The following GTSE1 variants were observed in gnomAD, a reference collection of about 807,000 sequenced individuals.
The protein encoded by GTSE1 is G2 and S phase-expressed protein 1.
A neutral mutation model predicts 60.5 loss-of-function variants in GTSE1; 52 were observed. The ratio of observed to expected loss-of-function variants is 0.86; its 90% confidence interval spans 0.69 to 1.08. The LOEUF (loss-of-function observed/expected upper bound fraction) is 1.08, where lower values mean the gene tolerates loss of function less well. Ranked by LOEUF, GTSE1 falls within the 50% of genes least tolerant of loss-of-function variation. The pLI, the probability that GTSE1 is intolerant of heterozygous loss-of-function variation, is 0.00. For synonymous variants in GTSE1, 368 were observed against 386.5 expected (o/e 0.95, Z 0.56); for missense variants, 937 against 961.8 (o/e 0.97, Z 0.34).
rs2077778941 is a variant in GTSE1 at position 46,316,203 on chromosome 22, A to T, written c.1223A>T (p.Glu408Val). 1.2e-6 allele frequency: 2 copies of T among 1,613,602 alleles called. No individual in the cohort carries two copies. Among genetic ancestry groups the T allele is most frequent in the Admixed American group, 1.7e-5 (1 of 60,004 alleles). ...GTCGATGTTTCTGAGCTGGCAGCGGAGCAGCTCACGGCACCCCCCTCAGCA... is the reference window on the plus strand; with the variant it reads ...GTCGATGTTTCTGAGCTGGCAGCGGTGCAGCTCACGGCACCCCCCTCAGCA... ...KRVDVSELAAEQLTAPPSASP... is the reference protein window; with the variant it reads ...KRVDVSELAAVQLTAPPSASP... The change falls in exon 7 of 12, where the codon GAG (glutamate) becomes GTG (valine). Residue 408 changes from glutamate to valine, a missense_variant. Transcript: ENST00000454366. This position sits in a 1 kb window ranked among gnomAD's most constrained non-coding sequence, Gnocchi z 5.0.
chr22:46,315,065 G>GT (rs34334377), intron 6 of GTSE1, among the ~76,000 whole-genome samples: 21,122 of 137,650 alleles, frequency 0.15, 2,056 homozygotes, highest in African/African-American at 0.29. Context: ...ATTTTTGTGG[G>GT]TTTTTTTTTT....
At chr22:46,311,885 C>G (rs2077750452) in intron 4 of GTSE1, among the ~76,000 whole-genome samples, 1 of 152,162 alleles carries the variant, frequency 6.6e-6, no homozygotes, top group East Asian at 1.9e-4. Flanking sequence ...GAACCTCTCT[C>G]CTATTAATGA....
chr22:46,303,161 A>G (rs2077698769), intron 2 of GTSE1, among the ~76,000 whole-genome samples: 1 of 151,040 alleles, frequency 6.6e-6, no homozygotes, highest in South Asian at 2.1e-4. Flanking sequence ...CGGCCTCCCA[A>G]AGTGCTGGGA....
At chr22:46,303,301 A>G (rs2077699693) in intron 2 of GTSE1, among the ~76,000 whole-genome samples, 2 of 152,192 alleles carry the variant, frequency 1.3e-5, no homozygotes, top group Non-Finnish European at 2.9e-5. Flanking sequence ...GTTATTTTGC[A>G]TCTTTCGTTG....
At chr22:46,301,940 C>T (rs774739062) in intron 2 of GTSE1, among the ~76,000 whole-genome samples, 16 of 152,214 alleles carry the variant, frequency 1.1e-4, no homozygotes, top group Middle Eastern at 3.4e-3. Context: ...ACCAGCCTGA[C>T]CAACATGCAG....
At position 46,310,412 on chromosome 22, in the gene GTSE1, CA is replaced by C. The variant is rs113856861; in HGVS notation, c.762+1476del. On this transcript the variant is annotated intron_variant, in intron 4 of 11. Coordinates refer to ENST00000454366, the MANE Select transcript of GTSE1 (RefSeq NM_016426.7). The surrounding 1 kb of genome is among the most constrained non-coding windows in gnomAD (Gnocchi z 4.4). ...TTGTGGAAACAGTTTGGCAGCTCCT[CA>C]AAAAAATAAATGTAGAGGGTCCCAT... 0.024 allele frequency among the ~76,000 whole-genome samples: 3,573 copies of C among 151,922 alleles called. 54 individuals are homozygous for C. Among genetic ancestry groups the C allele is most frequent in the Non-Finnish European group, 0.029 (1,994 of 67,930 alleles).
At position 46,325,357 on chromosome 22, in the gene GTSE1, C is replaced by T. The variant is rs539532060; in HGVS notation, c.1506-1079C>T. ...GACCACAGGCACATGCCACCACACC[C>T]GGCTCATTTTTTGTATTTTTAGTAG... On this transcript the variant is annotated intron_variant, in intron 8 of 11. Coordinates refer to ENST00000454366, the MANE Select transcript of GTSE1 (RefSeq NM_016426.7). Among the ~76,000 whole-genome samples the T allele has an allele frequency of 2.8e-3, 430 of 152,214 alleles. 1 individual carries two copies. Among genetic ancestry groups the T allele is most frequent in the Middle Eastern group, 6.8e-3 (2 of 292 alleles).
At chr22:46,315,168 C>T (rs11704592) in intron 6 of GTSE1, among the ~76,000 whole-genome samples, 12,803 of 151,814 alleles carry the variant, frequency 0.084, 603 homozygotes, top group Non-Finnish European at 0.11. Context: ...GAGTGATTCT[C>T]CTGCCTCAGC....
rs746394850 is a variant in GTSE1 at position 46,316,222 on chromosome 22, C to T, written c.1242C>T (p.Pro414=). 3.1e-6 allele frequency: 5 copies of T among 1,613,722 alleles called. No individual in the cohort carries two copies. Among genetic ancestry groups the T allele is most frequent in the East Asian group, 4.5e-5 (2 of 44,900 alleles). ...ELAAEQLTAP[P]SASPTQPQTP... is the part of the protein sequence containing the mutation. ...CAGCGGAGCAGCTCACGGCACCCCC[C>T]TCAGCATCCCCCACCCAACCCCAGA... is the stretch of plus-strand genomic sequence containing the variant. The change falls in exon 7 of 12, where the codon CCC becomes CCT. Residue 414 remains proline (P), a synonymous_variant. Coordinates refer to ENST00000454366, the MANE Select transcript of GTSE1 (RefSeq NM_016426.7). The surrounding 1 kb of genome is among the most constrained non-coding windows in gnomAD (Gnocchi z 5.0).
In GTSE1 at chr22:46,316,583, A is replaced by G. The variant is rs1207811017; in HGVS notation, c.1432+171A>G. ...CCACGTTGTTTTGGGGGGTCACTGG[A>G]GGCTCCCTGAATGTCTTACGTTCGT... On this transcript the variant is annotated intron_variant, in intron 7 of 11. Transcript: ENST00000454366. The surrounding 1 kb of genome is among the most constrained non-coding windows in gnomAD (Gnocchi z 5.0). 6.6e-6 allele frequency among the ~76,000 whole-genome samples: 1 copy of G among 152,182 alleles called. No homozygotes were observed. Among genetic ancestry groups the G allele is most frequent in the African/African-American group, 2.4e-5 (1 of 41,428 alleles).
Position 46,328,876 on chromosome 22 carries a change from C to T in GTSE1, c.1913C>T (p.Ala638Val), listed in dbSNP as rs1226569865. The change falls in exon 10 of 12, where the codon GCA becomes GTA. Residue 638 changes from alanine to valine, a missense_variant. Ala to Val is a moderately conservative substitution (Grantham distance 64, BLOSUM62 0). Transcript: ENST00000454366. Reference sequence around the variant, plus strand: ...GAGGAAGCCAAGCCGGGTGGAGATGCAGCCCCTAGTGAGGTGGGCAGAACG... The same window carrying T: ...GAGGAAGCCAAGCCGGGTGGAGATGTAGCCCCTAGTGAGGTGGGCAGAACG... ...AREEAKPGGD[A>V]APSEALLVDI... The T allele has an allele frequency of 1.9e-6, 3 of 1,612,822 alleles. No individual in the cohort carries two copies. In the African/African-American group the frequency reaches 4.0e-5, roughly 22 times the overall value.
Position 46,321,419 on chromosome 22 carries a change from G to T in GTSE1, c.1433-1771G>T, listed in dbSNP as rs75843342. On this transcript the variant is annotated intron_variant, in intron 7 of 11. Transcript: ENST00000454366. This position sits in a 1 kb window ranked among gnomAD's most constrained non-coding sequence, Gnocchi z 4.0. Reference sequence around the variant, plus strand: ...ACCTTGTTTCTTGTAAGAAAGAAAAGAAACAAACAAACTGAAAACGGAGGT... The same window carrying T: ...ACCTTGTTTCTTGTAAGAAAGAAAATAAACAAACAAACTGAAAACGGAGGT... Among the ~76,000 whole-genome samples the T allele has an allele frequency of 6.6e-6, 1 of 152,028 alleles. No homozygotes were observed. The highest frequency in any genetic ancestry group is 2.4e-5 in the African/African-American group (1 of 41,386).
At position 46,323,101 on chromosome 22, in the gene GTSE1, G is replaced by A. The variant is rs184650663; in HGVS notation, c.1433-89G>A. 3.3e-3 allele frequency: 2,892 copies of A among 865,908 alleles called. 11 individuals are homozygous for A. The highest frequency in any genetic ancestry group is 4.7e-3 in the Non-Finnish European group (2,329 of 498,440). 53.6% of individuals were successfully genotyped at this position (865,908 alleles called of 1,614,324 possible). A position where few individuals can be genotyped will look rare whatever the true frequency, so the allele number is the denominator to read the frequency against. Reference sequence around the variant, plus strand: ...TCAAGTTGGGACAGTGGAGATACTCGGAGAATTGCCCATTCGGTGACGATC... The same window carrying A: ...TCAAGTTGGGACAGTGGAGATACTCAGAGAATTGCCCATTCGGTGACGATC... On this transcript the variant is annotated intron_variant, in intron 7 of 11. Coordinates refer to ENST00000454366, the MANE Select transcript of GTSE1 (RefSeq NM_016426.7).
At chr22:46,311,836 A>C (rs1389256399) in intron 4 of GTSE1, among the ~76,000 whole-genome samples, 2 of 152,224 alleles carry the variant, frequency 1.3e-5, no homozygotes, top group African/African-American at 4.8e-5. Flanking sequence ...TCTCATTATC[A>C]TTCTTAAATA....
chr22:46,300,353 A>G (rs1274620094), intron 2 of GTSE1, among the ~76,000 whole-genome samples: 3 of 151,550 alleles, frequency 2.0e-5, no homozygotes, highest in Non-Finnish European at 4.4e-5. Flanking sequence ...GCCTCAGCCT[A>G]CCACTGTGCT....
At chr22:46,302,143 A>G (rs181797921) in intron 2 of GTSE1, among the ~76,000 whole-genome samples, 5 of 152,304 alleles carry the variant, frequency 3.3e-5, no homozygotes, top group Non-Finnish European at 7.4e-5. Context: ...GTAAATAAAG[A>G]AAAATAAAAA....
At chr22:46,306,669 G>A (rs2077717308) in intron 2 of GTSE1, among the ~76,000 whole-genome samples, 1 of 151,472 alleles carries the variant, frequency 6.6e-6, no homozygotes, top group Admixed American at 6.6e-5. Context: ...TTTATTTTTG[G>A]TAGAGATGGG....
rs2077797605 is a variant in GTSE1, at chr22:46,319,117, C to T, written c.1432+2705C>T. Among the ~76,000 whole-genome samples, 1 of 152,186 alleles carries T rather than the reference C, an allele frequency of 6.6e-6. No individual in the cohort carries two copies. The highest frequency in any genetic ancestry group is 1.5e-5 in the Non-Finnish European group (1 of 68,020). On this transcript the variant is annotated intron_variant, in intron 7 of 11. Transcript: ENST00000454366. The surrounding 1 kb of genome is among the most constrained non-coding windows in gnomAD (Gnocchi z 5.0). ...GAGGAAAGTTGCTGTTGAACAAAAA[C>T]TAGCAACCTCAGCCAGTCAGTGACC...
rs1010516706 is a variant in GTSE1, at chr22:46,308,697, C to T, written c.516C>T (p.Pro172=). Residue 172 remains proline, a synonymous_variant, in exon 4 of 12, where the codon CCC becomes CCT. Transcript: ENST00000454366. Reference sequence around the variant, plus strand: ...AGACATACTACCTGTCAGACAGCCCCTTGCTGGGGCCCCCTGTGGGTGAGC... The same window carrying T: ...AGACATACTACCTGTCAGACAGCCCTTTGCTGGGGCCCCCTGTGGGTGAGC... ...KRETYYLSDS[P]LLGPPVGEPR... is the part of the protein sequence containing the mutation. 6.2e-7 allele frequency: 1 copy of T among 1,613,884 alleles called. No individual in the cohort carries two copies. Among genetic ancestry groups the T allele is most frequent in the East Asian group, 2.2e-5 (1 of 44,896 alleles).
Sources: allele counts gnomAD v4.1 joint callset (sites outside exome capture counted in the v4.1 genomes callset), GRCh38; gene constraint gnomAD v4.1.1; non-coding constraint Gnocchi (gnomAD v3.1); transcripts MANE v1.5; gene names NCBI Gene and HGNC (gene_info 2026-07-23, HGNC 2026-07-21).